Variants in ECT2L observed in about 807,000 individuals in gnomAD.
The protein encoded by ECT2L is epithelial cell transforming 2 like.
ECT2L carries 126 observed loss-of-function variants against 122.8 expected under a neutral mutation model. The ratio of observed to expected loss-of-function variants is 1.03; its 90% CI spans 0.89 to 1.19. ECT2L has a LOEUF of 1.19. Among genes scored for constraint, ECT2L ranks in the 50% most tolerant of loss-of-function variants. ECT2L has a pLI of 0.00. For synonymous variants in ECT2L, 385 were observed against 381.8 expected (o/e 1.01, Z -0.10); for missense variants, 1,012 against 1,064.1 (o/e 0.95, Z 0.68).
chr6:138,806,476 G>A (rs1325211301), intron 1 of ECT2L, among the ~76,000 whole-genome samples: 2 of 147,020 alleles, frequency 1.4e-5, no homozygotes, highest in African/African-American at 2.5e-5. Flanking sequence ...GTGGGAGTTA[G>A]GGGCACAAAT....
chr6:138,886,869 A>ATGCT lies in ECT2L; in HGVS notation c.2273_2274insGCTT (p.Ile758MetfsTer30). Reference sequence around the variant, plus strand: ...TTTTTTCCCCTAGATGAAGCAAAACATCACTATGAAGGATCATCTGTCAGA... The same window carrying ATGCT: ...TTTTTTCCCCTAGATGAAGCAAAACATGCTTCACTATGAAGGATCATCTGTCAGA... On this transcript the variant is annotated frameshift_variant, in exon 19 of 22. Transcript: ENST00000541398. LOFTEE classifies it high-confidence loss of function. The ATGCT allele has an allele frequency of 6.2e-7, 1 of 1,613,558 alleles. No homozygotes were observed.
At chr6:138,813,598 G>A (rs551968618) in intron 3 of ECT2L, among the ~76,000 whole-genome samples, 6 of 152,154 alleles carry the variant, frequency 3.9e-5, no homozygotes, top group Non-Finnish European at 8.8e-5. Context: ...AGACCTCTAG[G>A]ACACACAGTT....
chr6:138,901,406 A>G (rs538429183), intron 21 of ECT2L, among the ~76,000 whole-genome samples: 2 of 152,366 alleles, frequency 1.3e-5, no homozygotes, highest in South Asian at 2.1e-4. Flanking sequence ...AAGCAGTGAC[A>G]TGAGAGCTGG....
At chr6:138,899,114 A>T (rs939225442) in intron 20 of ECT2L, among the ~76,000 whole-genome samples, 3 of 152,102 alleles carry the variant, frequency 2.0e-5, no homozygotes, top group Non-Finnish European at 4.4e-5. Flanking sequence ...GTTTCTATGT[A>T]AGAAATCGTT....
chr6:138,806,794 T>A (rs1775726928), intron 1 of ECT2L, among the ~76,000 whole-genome samples: 1 of 152,050 alleles, frequency 6.6e-6, no homozygotes, highest in African/African-American at 2.4e-5. Context: ...ATTACAGTCG[T>A]GAGCCACTGC....
intron 20 of ECT2L, 58 bp downstream of exon 20, chr6:138,889,089 T>C: frequency 1.1e-6 from 1 of 903,978 alleles, no homozygotes; most frequent in East Asian, 2.7e-5. Context: ...GTGACTGTCT[T>C]ACTCATCCTG....
chr6:138,867,123 G>A (rs1049567945), intron 12 of ECT2L, among the ~76,000 whole-genome samples: 8 of 152,046 alleles, frequency 5.3e-5, no homozygotes, highest in African/African-American at 7.2e-5. Flanking sequence ...CTACTTGAGC[G>A]CAGAGATAAA....
At chr6:138,837,352 T>C (rs976740928) in intron 4 of ECT2L, among the ~76,000 whole-genome samples, 1 of 152,094 alleles carries the variant, frequency 6.6e-6, no homozygotes, top group East Asian at 1.9e-4. Flanking sequence ...CTTCTCCCCT[T>C]CTGCACACGG....
At chr6:138,819,247 A>AG (rs10677390) in intron 4 of ECT2L, among the ~76,000 whole-genome samples, 3 of 100,100 alleles carry the variant, frequency 3.0e-5, no homozygotes, top group East Asian at 2.3e-4. Context: ...AAAAAAAAAA[A>AG]AAAAGGAAAT....
chr6:138,878,951 G>A (rs946728799), intron 14 of ECT2L: 1 of 156,998 alleles, frequency 6.4e-6, no homozygotes, highest in Non-Finnish European at 1.4e-5. Context: ...GTAATAGTTA[G>A]GATGTAGTGG....
intron 4 of ECT2L, among the ~76,000 whole-genome samples, chr6:138,836,622 C>T (rs756704354): frequency 6.6e-6 from 1 of 151,906 alleles, no homozygotes; most frequent in Non-Finnish European, 1.5e-5. Context: ...TGATGGCCTC[C>T]AAGTGGTGAT....
At chr6:138,894,215 C>T (rs1779135530) in intron 20 of ECT2L, among the ~76,000 whole-genome samples, 1 of 152,126 alleles carries the variant, frequency 6.6e-6, no homozygotes, top group Admixed American at 6.5e-5. Flanking sequence ...CGCCACCACA[C>T]CCAGCTAAGT....
chr6:138,833,956 C>G (rs955919460), intron 4 of ECT2L, among the ~76,000 whole-genome samples: 5 of 152,236 alleles, frequency 3.3e-5, no homozygotes, highest in Middle Eastern at 3.4e-3. Flanking sequence ...AAAACAGGGA[C>G]CTCTGCCAAA....
rs2128373222 is a variant in ECT2L at position 138,813,104 on chromosome 6, T to A, written c.-103-68T>A. ...CACACATGAATTATAATTCTATCTA[T>A]ATGTTATATGTGAATTTCTATAATT... On this transcript the variant is annotated intron_variant, in intron 2 of 21. Transcript: ENST00000541398. The A allele has an allele frequency of 3.7e-6, 2 of 535,888 alleles. 1 individual carries two copies. Among genetic ancestry groups the A allele is most frequent in the South Asian group, 6.1e-5 (2 of 32,620 alleles). 33.2% of individuals were successfully genotyped at this position (535,888 alleles called of 1,614,324 possible).
intron 13 of ECT2L, among the ~76,000 whole-genome samples, chr6:138,871,259 T>C (rs188528706): frequency 2.6e-5 from 4 of 152,314 alleles, no homozygotes; most frequent in East Asian, 3.9e-4. Context: ...TCTTTGATGT[T>C]TGAAGGCGTA....
intron 10 of ECT2L, among the ~76,000 whole-genome samples, chr6:138,856,555 T>C (rs913132803): frequency 2.0e-5 from 3 of 152,168 alleles, no homozygotes; most frequent in African/African-American, 7.2e-5. Context: ...ACACTCCAAC[T>C]TTTTCACTAC....
intron 4 of ECT2L, among the ~76,000 whole-genome samples, chr6:138,822,160 A>C (rs534253838): frequency 3.1e-4 from 47 of 152,170 alleles, no homozygotes; most frequent in Non-Finnish European, 3.7e-4. Flanking sequence ...TTATTATTTT[A>C]GTTTATACAC....
intron 13 of ECT2L, among the ~76,000 whole-genome samples, chr6:138,871,264 G>A (rs1449352506): frequency 6.6e-6 from 1 of 152,176 alleles, no homozygotes; most frequent in South Asian, 2.1e-4. Flanking sequence ...GATGTTTGAA[G>A]GCGTAGGATG....
chr6:138,890,492 CT>C (rs552594959), intron 20 of ECT2L, among the ~76,000 whole-genome samples: 386 of 78,954 alleles, frequency 4.9e-3, no homozygotes, highest in Non-Finnish European at 6.9e-3. Flanking sequence ...TTTCTTTGAT[CT>C]TTTTTTTTTT....
Sources: gnomAD v4.1 joint callset for allele counts (sites outside exome capture counted in the v4.1 genomes callset) on GRCh38, gnomAD v4.1.1 for gene constraint, MANE v1.5 for transcripts, NCBI Gene and HGNC (gene_info 2026-07-23, HGNC 2026-07-21) for gene names.